NELL2: variants seen among roughly 807,000 people sequenced by gnomAD.
NELL2 encodes the protein neural EGFL like 2, also known as protein kinase C-binding protein NELL2.
NELL2 carries 41 observed loss-of-function variants against 109.6 expected under a neutral mutation model. The ratio of observed to expected loss-of-function variants is 0.37; its 90% CI spans 0.29 to 0.49. The LOEUF is 0.49. Among genes scored for constraint, NELL2 ranks in the 20% least tolerant of loss-of-function variants. The probability of loss-of-function intolerance (pLI) is 0.98; values close to 1 mark genes in which losing one functional copy is unlikely to be tolerated. For missense variants in NELL2, 900 were observed against 1,008.3 expected (o/e 0.89, Z 1.45); for synonymous variants, 355 against 344.7 (o/e 1.03, Z -0.33).
chr12:44,519,947 C>G (rs1565861377), intron 19 of NELL2, 58 bp downstream of exon 19: 1 of 1,424,870 alleles, frequency 7.0e-7, no homozygotes, highest in Non-Finnish European at 9.9e-7. Context: ...ACATTATTAT[C>G]TATGAGCCCT....
At chr12:44,610,271 C>T (rs912347036) in intron 14 of NELL2, among the ~76,000 whole-genome samples, 2 of 150,962 alleles carry the variant, frequency 1.3e-5, no homozygotes. Flanking sequence ...AAAAAACTGT[C>T]CTACTGACTC....
At chr12:44,596,350 T>G (rs1001663285) in intron 15 of NELL2, among the ~76,000 whole-genome samples, 3 of 152,196 alleles carry the variant, frequency 2.0e-5, no homozygotes, top group Non-Finnish European at 2.9e-5. Flanking sequence ...TGGAAAATTT[T>G]AATATGACAG....
rs759769041 is a variant in NELL2 at position 44,532,561 on chromosome 12, G to A, written c.1804+20C>T. 3 of 1,601,876 alleles carry A rather than the reference G, an allele frequency of 1.9e-6. No homozygotes were observed. In the African/African-American group the frequency reaches 4.0e-5, roughly 22 times the overall value. ...GTTCAAGAGAAGTTCTTAAATTCTA[G>A]GTCTTCTCCTTGTACTGACCTTCAC... On this transcript the variant is annotated intron_variant, in intron 16 of 19. Transcript: ENST00000429094.
chr12:44,624,994 GTGTATATATATATATATATATATATATA>G lies in NELL2; in HGVS notation c.1445-14052_1445-14025del, dbSNP rs1392911496. 1.9e-4 allele frequency among the ~76,000 whole-genome samples: 23 copies of G among 118,702 alleles called. 1 individual carries two copies. The highest frequency in any genetic ancestry group is 1.7e-3 in the East Asian group (6 of 3,590). The allele number at this position is 118,702 out of a possible 152,430, so 77.9% of individuals were successfully genotyped here. A position where few individuals can be genotyped will look rare whatever the true frequency, so the allele number is the denominator to read the frequency against. On this transcript the variant is annotated intron_variant, in intron 13 of 19. Transcript: ENST00000429094. The stretch of plus-strand genomic sequence containing the variant: ...AGATGACAAATATATATATATGTGT[GTGTATATATATATATATATATATATATA>G]TATATATATATTTCTGAACAAGTGA...
chr12:44,811,229 G>A (rs1943165112), intron 3 of NELL2, among the ~76,000 whole-genome samples: 1 of 150,348 alleles, frequency 6.7e-6, no homozygotes, highest in Non-Finnish European at 1.5e-5. Flanking sequence ...AGTGCTTGCA[G>A]GGCTTAAAAC....
At chr12:44,626,215 T>C (rs1946258543) in intron 13 of NELL2, among the ~76,000 whole-genome samples, 1 of 152,168 alleles carries the variant, frequency 6.6e-6, no homozygotes, top group Non-Finnish European at 1.5e-5. Context: ...TGACTTATTT[T>C]CCCATTTTGA....
chr12:44,533,037 A>T (rs1210992789), intron 15 of NELL2, among the ~76,000 whole-genome samples: 1 of 152,208 alleles, frequency 6.6e-6, no homozygotes, highest in Non-Finnish European at 1.5e-5. Flanking sequence ...TAGGATTATG[A>T]TTCTCCAGGC....
intron 9 of NELL2, among the ~76,000 whole-genome samples, chr12:44,746,569 C>T (rs1389775646): frequency 1.3e-5 from 2 of 152,092 alleles, no homozygotes; most frequent in Admixed American, 6.5e-5. Flanking sequence ...GGCTAATACC[C>T]AGAATCTACA....
At chr12:44,900,492 C>A (rs1945648474) in intron 1 of NELL2, among the ~76,000 whole-genome samples, 1 of 152,084 alleles carries the variant, frequency 6.6e-6, no homozygotes, top group African/African-American at 2.4e-5. Flanking sequence ...GGAAACCGAA[C>A]AACCTGCTCC....
intron 9 of NELL2, among the ~76,000 whole-genome samples, chr12:44,751,006 C>A (rs969190503): frequency 1.3e-5 from 2 of 151,954 alleles, no homozygotes; most frequent in African/African-American, 2.4e-5. Flanking sequence ...CCTTTCAGTC[C>A]AAAAGAGCAG....
intron 15 of NELL2, among the ~76,000 whole-genome samples, chr12:44,533,082 G>C (rs1170538356): frequency 6.6e-6 from 1 of 152,204 alleles, no homozygotes; most frequent in East Asian, 1.9e-4. Context: ...GATAGGTGAA[G>C]TGTCACTTAA....
At position 44,783,217 on chromosome 12, in the gene NELL2, C is replaced by CA. The variant is rs141445149; in HGVS notation, c.336-3196dup. ...ATTAAAATTAAATATCAAAAATTGC[C>CA]AAAAAAACAGGTAAAGCAATACTTG... On this transcript the variant is annotated intron_variant, in intron 3 of 19. Coordinates refer to ENST00000429094, the MANE Select transcript of NELL2 (RefSeq NM_001145108.2). Among the ~76,000 whole-genome samples, 1,442 of 149,172 alleles carry CA rather than the reference C, an allele frequency of 9.7e-3. 17 individuals carry two copies. The highest frequency in any genetic ancestry group is 0.033 in the African/African-American group (1,334 of 40,708).
At chr12:44,806,280 G>A (rs1942997229) in intron 3 of NELL2, among the ~76,000 whole-genome samples, 1 of 151,750 alleles carries the variant, frequency 6.6e-6, no homozygotes, top group Non-Finnish European at 1.5e-5. Flanking sequence ...ATATGAAAAG[G>A]TATTCAACCT....
Position 44,779,763 on chromosome 12 carries a change from C to G in NELL2, c.510-4G>C. On this transcript the variant is annotated splice_polypyrimidine_tract_variant and splice_region_variant and intron_variant, in intron 4 of 19. Coordinates refer to ENST00000429094, the MANE Select transcript of NELL2 (RefSeq NM_001145108.2). ...TTCTACTACCCTTTCATAAATTCTG[C>G]AAAAAAGAAACATCAAAGAAGGAAC... The G allele has an allele frequency of 6.2e-7, 1 of 1,613,442 alleles. No homozygotes were observed. The highest frequency in any genetic ancestry group is 8.5e-7 in the Non-Finnish European group (1 of 1,179,678).
chr12:44,723,553 C>A (rs928720349), intron 9 of NELL2, among the ~76,000 whole-genome samples: 8 of 151,974 alleles, frequency 5.3e-5, no homozygotes, highest in Admixed American at 2.6e-4. Context: ...AGTATGGATT[C>A]CTTGATTGTG....
chr12:44,711,752 G>GA lies in NELL2; in HGVS notation c.1087-359dup, dbSNP rs201642077. 2.7e-4 allele frequency among the ~76,000 whole-genome samples: 41 copies of GA among 151,212 alleles called. No individual in the cohort carries two copies. The East Asian group carries it at 6.2e-3, about 23-fold the overall frequency. On this transcript the variant is annotated intron_variant, in intron 10 of 19. Transcript: ENST00000429094. ...AGTTTGAATTATATCAACAGCTTTTGAAAAAAAACAGTAAATTAAAATTGA... is the reference window on the plus strand; with the variant it reads ...AGTTTGAATTATATCAACAGCTTTTGAAAAAAAAACAGTAAATTAAAATTGA...
intron 12 of NELL2, among the ~76,000 whole-genome samples, chr12:44,699,141 A>G (rs1949146844): frequency 6.6e-6 from 1 of 152,206 alleles, no homozygotes. Flanking sequence ...ATAATTTTTG[A>G]CAACTTTTAT....
At chr12:44,587,284 A>AAAAAAAAAAAAAAAAAAATAT in intron 15 of NELL2, among the ~76,000 whole-genome samples, 1 of 72,206 alleles carries the variant, frequency 1.4e-5, no homozygotes. Context: ...AAAAAAAAAA[A>AAAAAAAAAAAAAAAAAAATAT]ATATATATAT....
intron 1 of NELL2, among the ~76,000 whole-genome samples, chr12:44,895,324 A>C (rs1278920022): frequency 6.6e-6 from 1 of 152,190 alleles, no homozygotes; most frequent in Non-Finnish European, 1.5e-5. Flanking sequence ...AAAGGAACAA[A>C]ACGCAAGAGT....
Sources: gnomAD v4.1 joint callset for allele counts (sites outside exome capture counted in the v4.1 genomes callset) on GRCh38, gnomAD v4.1.1 for gene constraint, MANE v1.5 for transcripts, NCBI Gene and HGNC (gene_info 2026-07-23, HGNC 2026-07-21) for gene names.